CD96: variants seen among roughly 807,000 people sequenced by gnomAD.
CD96 encodes T-cell surface protein tactile.
A neutral mutation model predicts 71.3 loss-of-function variants in CD96; 70 were observed. That is an observed-to-expected ratio of 0.98 (90% CI 0.81 to 1.20). CD96 has a LOEUF of 1.20. Ranked by LOEUF, CD96 falls within the 50% of genes most tolerant of loss-of-function variation. The probability of loss-of-function intolerance (pLI) is 0.00; values close to 1 mark genes in which losing one functional copy is unlikely to be tolerated. For missense variants in CD96, 742 were observed against 677.5 expected, an observed-to-expected ratio of 1.10 and a Z score of -1.06; for synonymous variants, 248 against 233.0, an observed-to-expected ratio of 1.06 and a Z score of -0.59.
rs143152505 is a variant in CD96 at position 111,619,232 on chromosome 3, T to C, written c.1181-4522T>C. ...GACTGGAGCTGTCTTCTAACTTAATTGAATTTCCAGTGATAGCATAAAAGG... is the reference window on the plus strand; with the variant it reads ...GACTGGAGCTGTCTTCTAACTTAATCGAATTTCCAGTGATAGCATAAAAGG... On this transcript the variant is annotated intron_variant, in intron 8 of 13. Coordinates refer to ENST00000352690, the MANE Select transcript of CD96 (RefSeq NM_005816.5). 8.6e-4 allele frequency among the ~76,000 whole-genome samples: 129 copies of C among 150,286 alleles called. 1 individual carries two copies. Among genetic ancestry groups the C allele is most frequent in the Middle Eastern group, 3.4e-3 (1 of 294 alleles).
intron 8 of CD96, among the ~76,000 whole-genome samples, chr3:111,618,849 G>A (rs1938379434): frequency 6.6e-6 from 1 of 151,912 alleles, no homozygotes; most frequent in South Asian, 2.1e-4. Context: ...GGGATTACAG[G>A]CATGAGCCAC....
At chr3:111,607,029 A>G (rs1937652660) in intron 8 of CD96, 2 of 562,036 alleles carry the variant, frequency 3.6e-6, no homozygotes, top group Non-Finnish European at 6.4e-6. Context: ...AACCATGACT[A>G]CAGCCAATTT....
intron 8 of CD96, among the ~76,000 whole-genome samples, chr3:111,615,162 G>A (rs890217049): frequency 6.6e-6 from 1 of 152,154 alleles, no homozygotes; most frequent in African/African-American, 2.4e-5. Flanking sequence ...ATTTTGTTCT[G>A]CATTAACCAT....
intron 13 of CD96, among the ~76,000 whole-genome samples, chr3:111,649,000 A>G (rs1243466506): frequency 6.6e-6 from 1 of 152,212 alleles, no homozygotes; most frequent in Non-Finnish European, 1.5e-5. Flanking sequence ...ATTCAAACAA[A>G]AGGGATTTAG....
chr3:111,606,555 C>T (rs903560972), intron 7 of CD96, 145 bp from the exon 8 acceptor site: 2 of 650,432 alleles, frequency 3.1e-6, no homozygotes, highest in Non-Finnish European at 5.5e-6. Flanking sequence ...TCATTATATC[C>T]CACTGCCTTG....
chr3:111,636,517 C>T (rs1311622939), intron 10 of CD96, among the ~76,000 whole-genome samples: 1 of 152,192 alleles, frequency 6.6e-6, no homozygotes, highest in Non-Finnish European at 1.5e-5. Context: ...TATGTGGTGT[C>T]TGCCAAGGAG....
At chr3:111,570,939 G>A in intron 3 of CD96, 1 of 1,567,100 alleles carries the variant, frequency 6.4e-7, no homozygotes, top group Non-Finnish European at 8.8e-7. Context: ...GTCAAAGTAG[G>A]GGGTCTTGAG....
In CD96 at chr3:111,579,207, A is replaced by T; in HGVS notation, c.724A>T (p.Arg242Trp). 6.2e-7 allele frequency: 1 copy of T among 1,606,096 alleles called. No homozygotes were observed. The change falls in exon 4 of 14, where the codon AGG (arginine) becomes TGG (tryptophan). Residue 242 changes from arginine to tryptophan, a missense_variant. Coordinates refer to ENST00000352690, the MANE Select transcript of CD96 (RefSeq NM_005816.5). ...HIRVGPNKIL[R>W]SSTTVKVFAK... ...TAGAGTCGGTCCTAACAAAATCTTG[A>T]GGAGCTCCACCACAGTCAAGGTTTT...
chr3:111,551,849 C>T (rs1934723733), intron 2 of CD96, among the ~76,000 whole-genome samples: 1 of 152,040 alleles, frequency 6.6e-6, no homozygotes, highest in African/African-American at 2.4e-5. Context: ...GTATTTCTGC[C>T]TTTAGGTCTT....
chr3:111,601,472 C>A (rs377253602), intron 7 of CD96, among the ~76,000 whole-genome samples: 5 of 152,212 alleles, frequency 3.3e-5, no homozygotes, highest in African/African-American at 1.2e-4. Context: ...TATAGGATTA[C>A]TCTAGTTATT....
intron 10 of CD96, chr3:111,634,066 T>G (rs924659908): frequency 1.3e-5 from 2 of 152,920 alleles, no homozygotes; most frequent in East Asian, 1.9e-4. Context: ...GATGCCAAAC[T>G]TTAGTAATAA....
chr3:111,622,556 T>C (rs928425794), intron 8 of CD96, among the ~76,000 whole-genome samples: 1 of 152,232 alleles, frequency 6.6e-6, no homozygotes, highest in Non-Finnish European at 1.5e-5. Context: ...TGCCAACTTA[T>C]TCATTTGATT....
chr3:111,663,736 A>T (rs1327347820), intron 14 of CD96, among the ~76,000 whole-genome samples: 1 of 146,682 alleles, frequency 6.8e-6, no homozygotes, highest in Non-Finnish European at 1.5e-5. Context: ...TTGTGAAGAA[A>T]AGAAATGCTT....
At chr3:111,632,424 A>G (rs1398713741) in intron 10 of CD96, among the ~76,000 whole-genome samples, 2 of 152,234 alleles carry the variant, frequency 1.3e-5, no homozygotes, top group Admixed American at 6.5e-5. Context: ...ATGAGATACC[A>G]TCTCACACCA....
At chr3:111,638,953 T>G (rs1939463941) in intron 12 of CD96, among the ~76,000 whole-genome samples, 3 of 152,242 alleles carry the variant, frequency 2.0e-5, no homozygotes, top group Admixed American at 2.0e-4. Context: ...TGGTCTCATT[T>G]TCTACACTTG....
intron 12 of CD96, 57 bp from the exon 13 acceptor site, chr3:111,647,486 G>T: frequency 6.4e-7 from 1 of 1,557,212 alleles, no homozygotes; most frequent in East Asian, 2.3e-5. Flanking sequence ...GTTTAATCCT[G>T]TTTTCCAAAT....
intron 10 of CD96, among the ~76,000 whole-genome samples, chr3:111,629,911 G>A (rs1413555256): frequency 6.6e-6 from 1 of 152,148 alleles, no homozygotes; most frequent in African/African-American, 2.4e-5. Context: ...GCTCCTGAAT[G>A]ACTTTCAGGT....
chr3:111,649,046 CT>C (rs537678234), intron 13 of CD96, among the ~76,000 whole-genome samples: 67 of 152,272 alleles, frequency 4.4e-4, no homozygotes, highest in African/African-American at 1.6e-3. Flanking sequence ...TTGAGAAGAG[CT>C]TTACTTCCCA....
At chr3:111,659,569 T>C (rs1393088355) in intron 14 of CD96, among the ~76,000 whole-genome samples, 1 of 152,186 alleles carries the variant, frequency 6.6e-6, no homozygotes, top group East Asian at 1.9e-4. Context: ...TTTTCATTAG[T>C]TGCAAGGAAT....
Sources: allele counts gnomAD v4.1 joint callset (sites outside exome capture counted in the v4.1 genomes callset), GRCh38; gene constraint gnomAD v4.1.1; transcripts MANE v1.5; gene names NCBI Gene and HGNC (gene_info 2026-07-23, HGNC 2026-07-21).